Variants in UBAC1 observed in about 807,000 individuals in gnomAD.
UBAC1 encodes the protein UBA domain containing 1, also known as ubiquitin-associated domain-containing protein 1.
A neutral mutation model predicts 45.9 loss-of-function variants in UBAC1; 27 were observed. The ratio of observed to expected loss-of-function variants is 0.59; its 90% CI spans 0.43 to 0.81. The LOEUF (loss-of-function observed/expected upper bound fraction) is 0.81, where lower values mean the gene tolerates loss of function less well. Ranked by LOEUF, UBAC1 falls within the 30% of genes least tolerant of loss-of-function variation. UBAC1 has a pLI of 0.00. For synonymous variants in UBAC1, 227 were observed against 215.5 expected, an observed-to-expected ratio of 1.05 and a Z score of -0.47; for missense variants, 529 against 539.2, an observed-to-expected ratio of 0.98 and a Z score of 0.19.
chr9:135,950,237 C>A lies in UBAC1; in HGVS notation c.334-2332G>T, dbSNP rs543159295. Among the ~76,000 whole-genome samples, 21 of 152,350 alleles carry A rather than the reference C, an allele frequency of 1.4e-4. No individual in the cohort carries two copies. In the South Asian group the frequency reaches 4.3e-3, roughly 32 times the overall value. ...AGAACTGCGAGCTACAAGCGGAGTG[C>A]TGTTTTAAGCAGCTACATGTGTGGC... is the stretch of plus-strand genomic sequence containing the variant. On this transcript the variant is annotated intron_variant, in intron 3 of 9. Transcript: ENST00000371756.
At chr9:135,938,942 C>T (rs1308607098) in intron 8 of UBAC1, among the ~76,000 whole-genome samples, 2 of 152,204 alleles carry the variant, frequency 1.3e-5, no homozygotes, top group Non-Finnish European at 2.9e-5. Context: ...GGAGTGGTGG[C>T]TCATGCATGT....
chr9:135,945,479 C>G, intron 6 of UBAC1: 1 of 521,308 alleles, frequency 1.9e-6, no homozygotes, highest in East Asian at 3.1e-5. Flanking sequence ...TAAGGAGAGG[C>G]AAGCGGACCC....
chr9:135,953,661 T>C lies in UBAC1; in HGVS notation c.333+19A>G. The C allele has an allele frequency of 1.2e-6, 2 of 1,603,836 alleles. No individual in the cohort carries two copies. Among genetic ancestry groups the C allele is most frequent in the Non-Finnish European group, 1.7e-6 (2 of 1,173,100 alleles). On this transcript the variant is annotated intron_variant, in intron 3 of 9. Coordinates refer to ENST00000371756, the MANE Select transcript of UBAC1 (RefSeq NM_016172.3). The stretch of plus-strand genomic sequence containing the variant: ...ACTTCTACCAACCAAGGTCCCCAAT[T>C]GCAAACTTTGAAATTTACCTTTTCT...
chr9:135,947,282 G>A (rs1353916846), intron 4 of UBAC1, among the ~76,000 whole-genome samples: 3 of 151,440 alleles, frequency 2.0e-5, no homozygotes, highest in South Asian at 2.1e-4. Flanking sequence ...ACGGAGTTTC[G>A]CTCTTGCTGC....
chr9:135,949,971 G>A (rs893874992), intron 3 of UBAC1, among the ~76,000 whole-genome samples: 46 of 152,226 alleles, frequency 3.0e-4, no homozygotes, highest in African/African-American at 1.0e-3. Context: ...AGGCTGTGCG[G>A]GTAGGAATGC....
chr9:135,938,214 G>A lies in UBAC1; in HGVS notation c.1102+8C>T, dbSNP rs756418366. On this transcript the variant is annotated splice_region_variant and intron_variant, in intron 9 of 9. Transcript: ENST00000371756. The stretch of plus-strand genomic sequence containing the variant: ...ACCCGAGACTTAGCATAAAGAAGGC[G>A]CACATACCTAGCAATGTTTTCGGGT... The A allele has an allele frequency of 1.7e-5, 28 of 1,613,316 alleles. No individual in the cohort carries two copies. Among genetic ancestry groups the A allele is most frequent in the Admixed American group, 3.3e-5 (2 of 59,882 alleles).
chr9:135,945,116 G>GCTCCCGCGGCAGCCT lies in UBAC1; in HGVS notation c.773_787dup (p.Glu258_Gly262dup), dbSNP rs1839312636. The GCTCCCGCGGCAGCCT allele has an allele frequency of 1.9e-6, 3 of 1,614,028 alleles. No homozygotes were observed. The highest frequency in any genetic ancestry group is 2.5e-6 in the Non-Finnish European group (3 of 1,179,976). On this transcript the variant is annotated inframe_insertion, in exon 7 of 10. Coordinates refer to ENST00000371756, the MANE Select transcript of UBAC1 (RefSeq NM_016172.3). ...TCTGGCCTCCTCATCGGTGGCGCTGGCTCCCGCGGCAGCCTCGGAGGCAGC... is the reference window on the plus strand; with the variant it reads ...TCTGGCCTCCTCATCGGTGGCGCTGGCTCCCGCGGCAGCCTCTCCCGCGGCAGCCTCGGAGGCAGC...
chr9:135,942,299 A>C (rs1839279259), intron 7 of UBAC1: 1 of 152,204 alleles, frequency 6.6e-6, no homozygotes, highest in South Asian at 2.1e-4. Context: ...CCTAGGAGAC[A>C]AGCACAACGA....
chr9:135,958,533 C>A (rs1305528774), intron 1 of UBAC1, among the ~76,000 whole-genome samples: 1 of 152,142 alleles, frequency 6.6e-6, no homozygotes, highest in Non-Finnish European at 1.5e-5. Context: ...GGAGTGCACA[C>A]CCAGGAGCAC....
At position 135,944,962 on chromosome 9, in the gene UBAC1, T is replaced by C. The variant is rs1290809464; in HGVS notation, c.876+66A>G. ...GTCAGCCATGCAGCCCCAGCTTCCTTTCCATGGCGCCACCTCAAGGGAAGA... is the reference window on the plus strand; with the variant it reads ...GTCAGCCATGCAGCCCCAGCTTCCTCTCCATGGCGCCACCTCAAGGGAAGA... On this transcript the variant is annotated intron_variant, in intron 7 of 9. Transcript: ENST00000371756. 4.0e-6 allele frequency: 6 copies of C among 1,494,498 alleles called. No individual in the cohort carries two copies. In the African/African-American group the frequency reaches 5.6e-5, roughly 14 times the overall value. 92.6% of individuals were successfully genotyped at this position (1,494,498 alleles called of 1,614,324 possible).
intron 8 of UBAC1, 23 bp from the exon 9 acceptor site, chr9:135,938,383 A>T: frequency 6.2e-7 from 1 of 1,610,102 alleles, no homozygotes; most frequent in Non-Finnish European, 8.5e-7. Flanking sequence ...GAGCACCAAT[A>T]CCACTGTTAG....
chr9:135,943,607 T>C (rs1313316116), intron 7 of UBAC1, among the ~76,000 whole-genome samples: 1 of 152,122 alleles, frequency 6.6e-6, no homozygotes, highest in Non-Finnish European at 1.5e-5. Flanking sequence ...CATTACTGGG[T>C]ATATACCCAA....
intron 4 of UBAC1, among the ~76,000 whole-genome samples, chr9:135,947,151 G>A (rs1393429270): frequency 2.6e-5 from 4 of 152,184 alleles, no homozygotes; most frequent in African/African-American, 9.6e-5. Flanking sequence ...CACAGCACGT[G>A]CCTGCCCTGC....
chr9:135,953,091 G>A (rs541849233), intron 3 of UBAC1, among the ~76,000 whole-genome samples: 10 of 152,250 alleles, frequency 6.6e-5, no homozygotes, highest in East Asian at 1.9e-4. Flanking sequence ...GGAGTGAACC[G>A]TCACGCAGGA....
rs768397870 is a variant in UBAC1, at chr9:135,946,379, G to GA, written c.442-9dup. 93 of 1,566,540 alleles carry GA rather than the reference G, an allele frequency of 5.9e-5. No individual in the cohort carries two copies. The highest frequency in any genetic ancestry group is 1.7e-4 in the Middle Eastern group (1 of 6,004). On this transcript the variant is annotated splice_polypyrimidine_tract_variant and intron_variant, in intron 4 of 9. Transcript: ENST00000371756. ...CCGGAGTTCTGTCTGGAACTGTGGT[G>GA]AAAAAAAAGGAGATCAATTCTCTAA...
Position 135,961,055 on chromosome 9 carries a change from CA to C in UBAC1, c.107del (p.Val36GlyfsTer17). On this transcript the variant is annotated frameshift_variant, in exon 1 of 10. Coordinates refer to ENST00000371756, the MANE Select transcript of UBAC1 (RefSeq NM_016172.3). LOFTEE classifies it high-confidence loss of function. The stretch of plus-strand genomic sequence containing the variant: ...TGAGGCAGCGCTCCTTGAGCTTCTC[CA>C]CCGAGGTGTCCTCGGTGGCCTCCTC... ...WLEEATEDTS[V>X]EKLKERCLKH... 6.3e-7 allele frequency: 1 copy of C among 1,578,950 alleles called. No individual in the cohort carries two copies. The highest frequency in any genetic ancestry group is 1.1e-5 in the South Asian group (1 of 87,724).
intron 1 of UBAC1, among the ~76,000 whole-genome samples, chr9:135,958,301 C>A (rs1055937930): frequency 1.6e-4 from 25 of 152,282 alleles, no homozygotes; most frequent in African/African-American, 5.8e-4. Context: ...CCTGTCTTGG[C>A]CTCCCAAAGT....
intron 1 of UBAC1, among the ~76,000 whole-genome samples, chr9:135,960,148 G>T (rs117060097): frequency 1.8e-4 from 27 of 152,174 alleles, no homozygotes; most frequent in Non-Finnish European, 3.8e-4. Context: ...GAAAATTGCA[G>T]CCTCCTTCAA....
In UBAC1 at chr9:135,945,112, G is replaced by C. The variant is rs375665911; in HGVS notation, c.792C>G (p.Ser264Arg). The change falls in exon 7 of 10, where the codon AGC (serine) becomes AGG (arginine). Residue 264 changes from serine to arginine, a missense_variant. By Grantham distance (110) the Ser-to-Arg change is moderately radical. Coordinates refer to ENST00000371756, the MANE Select transcript of UBAC1 (RefSeq NM_016172.3). Reference protein sequence around the residue: ...AAASEAAAGASATDEEARDEL... With the variant: ...AAASEAAAGARATDEEARDEL... ...CATCTCTGGCCTCCTCATCGGTGGCGCTGGCTCCCGCGGCAGCCTCGGAGG... is the reference window on the plus strand; with the variant it reads ...CATCTCTGGCCTCCTCATCGGTGGCCCTGGCTCCCGCGGCAGCCTCGGAGG... 1.2e-6 allele frequency: 2 copies of C among 1,613,948 alleles called. No homozygotes were observed. The highest frequency in any genetic ancestry group is 3.3e-5 in the Admixed American group (2 of 60,016).
Sources: allele counts gnomAD v4.1 joint callset (sites outside exome capture counted in the v4.1 genomes callset), GRCh38; gene constraint gnomAD v4.1.1; transcripts MANE v1.5; gene names NCBI Gene and HGNC (gene_info 2026-07-23, HGNC 2026-07-21).